Variants in FAM168A observed in about 807,000 individuals in gnomAD.
FAM168A encodes the protein family with sequence similarity 168 member A, also known as protein FAM168A.
Under a neutral mutation model 28.5 loss-of-function variants are expected in FAM168A, and 3 were observed. The ratio of observed to expected loss-of-function variants is 0.11; its 90% CI spans 0.05 to 0.27. The LOEUF is 0.27. Ranked by LOEUF, FAM168A falls within the 10% of genes least tolerant of loss-of-function variation. The pLI is 1.00. For synonymous variants in FAM168A, 122 were observed against 124.2 expected (o/e 0.98, Z 0.12); for missense variants, 222 against 311.5 (o/e 0.71, Z 2.16).
intron 1 of FAM168A, among the ~76,000 whole-genome samples, chr11:73,542,030 T>C (rs1412628292): frequency 6.6e-6 from 1 of 152,198 alleles, no homozygotes; most frequent in East Asian, 1.9e-4. Context: ...TTCTCTAGGT[T>C]CTTCCTCTAC....
intron 1 of FAM168A, among the ~76,000 whole-genome samples, chr11:73,570,608 C>T (rs1367508290): frequency 6.6e-6 from 1 of 151,740 alleles, no homozygotes; most frequent in African/African-American, 2.4e-5. Flanking sequence ...ATGGCATGCA[C>T]CTATTGTCCC....
At chr11:73,533,864 T>C (rs1943544496) in intron 1 of FAM168A, among the ~76,000 whole-genome samples, 1 of 152,180 alleles carries the variant, frequency 6.6e-6, no homozygotes, top group African/African-American at 2.4e-5. Context: ...GCATCAACTG[T>C]CAAGGTAAGT....
intron 2 of FAM168A, among the ~76,000 whole-genome samples, chr11:73,449,546 T>C (rs1276458796): frequency 6.6e-6 from 1 of 152,228 alleles, no homozygotes; most frequent in African/African-American, 2.4e-5. Flanking sequence ...ACAGAACTAC[T>C]TAGGATCAGG....
chr11:73,460,665 G>A (rs1867630893), intron 2 of FAM168A, among the ~76,000 whole-genome samples: 1 of 151,884 alleles, frequency 6.6e-6, no homozygotes, highest in Admixed American at 6.6e-5. Context: ...CACCATGCCT[G>A]GCTAATTTTT....
At chr11:73,524,057 G>A (rs1001966896) in intron 1 of FAM168A, among the ~76,000 whole-genome samples, 1 of 151,960 alleles carries the variant, frequency 6.6e-6, no homozygotes, top group African/African-American at 2.4e-5. Context: ...AGTTTTGACT[G>A]GGTATAGAAT....
intron 1 of FAM168A, among the ~76,000 whole-genome samples, chr11:73,498,387 T>C (rs562562843): frequency 6.6e-6 from 1 of 152,286 alleles, no homozygotes; most frequent in Admixed American, 6.5e-5. Context: ...AGTGTGCTTT[T>C]TCCACTCAAC....
At chr11:73,428,276 C>T (rs1308277059) in intron 3 of FAM168A, among the ~76,000 whole-genome samples, 1 of 152,202 alleles carries the variant, frequency 6.6e-6, no homozygotes, top group East Asian at 1.9e-4. Flanking sequence ...ACCTTCCTAT[C>T]AGTACCCCAC....
intron 1 of FAM168A, among the ~76,000 whole-genome samples, chr11:73,554,474 C>A (rs1227360458): frequency 6.6e-6 from 1 of 151,914 alleles, no homozygotes; most frequent in East Asian, 1.9e-4. Flanking sequence ...AGAAAAAAAA[C>A]TTCAAAAAAG....
intron 2 of FAM168A, among the ~76,000 whole-genome samples, chr11:73,446,411 A>G (rs1186935458): frequency 6.6e-6 from 1 of 152,190 alleles, no homozygotes; most frequent in Non-Finnish European, 1.5e-5. Context: ...CACAATTACC[A>G]AGGTATACTG....
At chr11:73,536,409 C>T (rs1216592416) in intron 1 of FAM168A, among the ~76,000 whole-genome samples, 1 of 152,162 alleles carries the variant, frequency 6.6e-6, no homozygotes, top group Admixed American at 6.5e-5. Flanking sequence ...CTCCCCAGGC[C>T]AAGCGCGGTA....
chr11:73,590,806 T>C lies in FAM168A; in HGVS notation c.-19+7117A>G, dbSNP rs1176526282. Among the ~76,000 whole-genome samples, 3 of 151,638 alleles carry C rather than the reference T, an allele frequency of 2.0e-5. No individual in the cohort carries two copies. In the East Asian group the frequency reaches 5.8e-4, roughly 29 times the overall value. Reference sequence around the variant, plus strand: ...TTTTTTTTTTAAACAGCTCCTCGGGTGATTCTAAAGAGTAGCCAGATACTA... The same window carrying C: ...TTTTTTTTTTAAACAGCTCCTCGGGCGATTCTAAAGAGTAGCCAGATACTA... On this transcript the variant is annotated intron_variant, in intron 1 of 7. Transcript: ENST00000356467.
intron 1 of FAM168A, among the ~76,000 whole-genome samples, chr11:73,476,635 T>C (rs533357430): frequency 2.0e-5 from 3 of 152,148 alleles, no homozygotes; most frequent in African/African-American, 4.8e-5. Context: ...AGTCTAGATA[T>C]TGGAATCAGC....
At chr11:73,545,772 C>T (rs1165536899) in intron 1 of FAM168A, among the ~76,000 whole-genome samples, 1 of 139,194 alleles carries the variant, frequency 7.2e-6, no homozygotes, top group East Asian at 2.2e-4. Context: ...TGGACTCAAA[C>T]TCCTGGGCTC....
chr11:73,561,404 C>T (rs1192646801), intron 1 of FAM168A, among the ~76,000 whole-genome samples: 1 of 151,906 alleles, frequency 6.6e-6, no homozygotes, highest in Non-Finnish European at 1.5e-5. Flanking sequence ...TCCTTCTCTC[C>T]TAGGCTTCCA....
intron 1 of FAM168A, among the ~76,000 whole-genome samples, chr11:73,538,956 G>A (rs1943618469): frequency 6.6e-6 from 1 of 152,178 alleles, no homozygotes; most frequent in South Asian, 2.1e-4. Context: ...TTTTGTTATG[G>A]AAGAAAAGTA....
chr11:73,593,370 T>C (rs192397406), intron 1 of FAM168A, among the ~76,000 whole-genome samples: 1 of 152,332 alleles, frequency 6.6e-6, no homozygotes, highest in East Asian at 1.9e-4. Context: ...AAAAAAAGGA[T>C]ATAAATGGGG....
chr11:73,582,783 TCTC>T (rs1253459620), intron 1 of FAM168A, among the ~76,000 whole-genome samples: 5 of 152,202 alleles, frequency 3.3e-5, no homozygotes, highest in African/African-American at 1.2e-4. Context: ...GGTCCCGTCT[TCTC>T]CATTTACCAA....
Position 73,484,580 on chromosome 11 carries a change from ATATC to A in FAM168A, c.-18-16092_-18-16089del, listed in dbSNP as rs539276904. Among the ~76,000 whole-genome samples the A allele has an allele frequency of 7.9e-3, 564 of 71,830 alleles. 6 individuals carry two copies. The highest frequency in any genetic ancestry group is 0.021 in the African/African-American group (534 of 25,614). The allele number at this position is 71,830 out of a possible 152,430, so 47.1% of individuals were successfully genotyped here. Reference sequence around the variant, plus strand: ...TATATATCTATATATCTATATATCGATATCTATCTATATATCGATATCTATATCG... The same window carrying A: ...TATATATCTATATATCTATATATCGATATCTATATATCGATATCTATATCG... On this transcript the variant is annotated intron_variant, in intron 1 of 7. Transcript: ENST00000356467.
At chr11:73,570,271 T>C (rs1044549979) in intron 1 of FAM168A, among the ~76,000 whole-genome samples, 2 of 152,104 alleles carry the variant, frequency 1.3e-5, no homozygotes, top group South Asian at 4.2e-4. Flanking sequence ...AAAACGGGGA[T>C]AATGAGGATT....
Sources: gnomAD v4.1 joint callset for allele counts (sites outside exome capture counted in the v4.1 genomes callset) on GRCh38, gnomAD v4.1.1 for gene constraint, MANE v1.5 for transcripts, NCBI Gene and HGNC (gene_info 2026-07-23, HGNC 2026-07-21) for gene names.